Variants in TNIP3 observed in about 807,000 individuals in gnomAD.
TNIP3 encodes TNFAIP3 interacting protein 3.
TNIP3 carries 34 observed loss-of-function variants against 54.1 expected under a neutral mutation model. That is an observed-to-expected ratio of 0.63 (90% CI 0.48 to 0.84). The LOEUF (loss-of-function observed/expected upper bound fraction) is 0.84. Among genes scored for constraint, TNIP3 ranks in the 40% least tolerant of loss-of-function variants. TNIP3 has a pLI of 0.00. For synonymous variants in TNIP3, 134 were observed against 136.8 expected (o/e 0.98, Z 0.14); for missense variants, 366 against 387.6 (o/e 0.94, Z 0.47).
At chr4:121,154,777 A>T in intron 4 of TNIP3, 98 bp from the exon 5 acceptor site, 1 of 1,145,318 alleles carries the variant, frequency 8.7e-7, no homozygotes, top group Non-Finnish European at 1.2e-6. Context: ...AGGCAGATTG[A>T]GGGGTCACCC....
rs1724311353 is a variant in TNIP3 at position 121,176,105 on chromosome 4, T to TTATC, written c.189+6567_189+6570dup. 1.3e-5 allele frequency among the ~76,000 whole-genome samples: 2 copies of TTATC among 152,248 alleles called. 1 individual carries two copies. The highest frequency in any genetic ancestry group is 4.8e-5 in the African/African-American group (2 of 41,472). ...TTTTGGGAAATACAACCTGGCCTAT[T>TTATC]TATCCACTAATCTGTTTAATTTAGA... is the stretch of plus-strand genomic sequence containing the variant. On this transcript the variant is annotated intron_variant, in intron 3 of 12. Coordinates refer to the TNIP3 transcript ENST00000507879.
chr4:121,140,417 T>A (rs984336556), intron 9 of TNIP3, among the ~76,000 whole-genome samples: 7 of 152,190 alleles, frequency 4.6e-5, no homozygotes, highest in African/African-American at 1.4e-4. Flanking sequence ...TAGGCCTTTA[T>A]TTGGTGACAA....
At chr4:121,155,290 T>C (rs75502622) in intron 4 of TNIP3, among the ~76,000 whole-genome samples, 3,330 of 152,246 alleles carry the variant, frequency 0.022, 79 homozygotes, top group Admixed American at 0.036. Flanking sequence ...AAGCAAGTCC[T>C]TATATACTGT....
intron 3 of TNIP3, 57 bp from the exon 4 acceptor site, chr4:121,157,300 T>C: frequency 6.2e-7 from 1 of 1,610,488 alleles, no homozygotes; most frequent in Non-Finnish European, 8.5e-7. Context: ...CACAAGCCCC[T>C]GGATTTATTC....
At chr4:121,208,871 C>G (rs1726324371) in intron 2 of TNIP3, among the ~76,000 whole-genome samples, 1 of 152,142 alleles carries the variant, frequency 6.6e-6, no homozygotes, top group African/African-American at 2.4e-5. Flanking sequence ...GGGTGGAATC[C>G]ATGGAGAGCT....
chr4:121,165,016 G>C, upstream of TNIP3, among the ~76,000 whole-genome samples: 1 of 151,868 alleles, frequency 6.6e-6, no homozygotes, highest in Non-Finnish European at 1.5e-5. Flanking sequence ...CTGCATAAGT[G>C]AACTGCGATG....
At chr4:121,180,319 G>A (rs1560674192) in intron 3 of TNIP3, among the ~76,000 whole-genome samples, 1 of 152,124 alleles carries the variant, frequency 6.6e-6, no homozygotes, top group Non-Finnish European at 1.5e-5. Context: ...AGAATGGCAT[G>A]AACTCAGGAG....
At chr4:121,203,240 G>GATAT (rs765850548) in intron 2 of TNIP3, among the ~76,000 whole-genome samples, 4 of 151,852 alleles carry the variant, frequency 2.6e-5, no homozygotes, top group Admixed American at 6.6e-5. Flanking sequence ...TAGATAGATA[G>GATAT]ATAGATAGAT....
intron 7 of TNIP3, 108 bp downstream of exon 7, chr4:121,146,941 T>A: frequency 4.3e-5 from 54 of 1,263,598 alleles, no homozygotes; most frequent in Non-Finnish European, 5.2e-5. Context: ...TGCTGACCTT[T>A]AAAAAAAAAT....
chr4:121,158,561 C>A, intron 3 of TNIP3, 126 bp downstream of exon 3: 1 of 760,790 alleles, frequency 1.3e-6, no homozygotes, highest in East Asian at 2.6e-5. Flanking sequence ...GCACCCTTCC[C>A]GTCATTTTCC....
chr4:121,159,341 T>C (rs1029889361), intron 2 of TNIP3, among the ~76,000 whole-genome samples: 6 of 152,268 alleles, frequency 3.9e-5, no homozygotes, highest in Admixed American at 3.3e-4. Flanking sequence ...CAGTAACTTT[T>C]AACTTTTTTT....
chr4:121,177,707 C>G (rs1470314377), intron 3 of TNIP3, among the ~76,000 whole-genome samples: 1 of 152,116 alleles, frequency 6.6e-6, no homozygotes, highest in African/African-American at 2.4e-5. Context: ...TTGTGTTAAC[C>G]AAATAGAAAT....
At chr4:121,146,725 A>G (rs1218505667) in intron 7 of TNIP3, among the ~76,000 whole-genome samples, 1 of 152,150 alleles carries the variant, frequency 6.6e-6, no homozygotes, top group South Asian at 2.1e-4. Context: ...TTTAAAAACC[A>G]CTTCACTTTA....
intron 5 of TNIP3, among the ~76,000 whole-genome samples, chr4:121,151,354 A>G (rs146207211): frequency 6.6e-6 from 1 of 152,336 alleles, no homozygotes; most frequent in African/African-American, 2.4e-5. Context: ...GTAGGAAAAG[A>G]AAAGCAAATG....
chr4:121,141,117 T>C (rs1372586902), intron 9 of TNIP3, among the ~76,000 whole-genome samples: 3 of 152,272 alleles, frequency 2.0e-5, no homozygotes, highest in East Asian at 3.9e-4. Flanking sequence ...AAATCCAAAA[T>C]GCAGAAAATG....
At chr4:121,132,780 A>G in intron 10 of TNIP3, 118 bp from the exon 11 acceptor site, 1 of 800,766 alleles carries the variant, frequency 1.2e-6, no homozygotes, top group Non-Finnish European at 2.0e-6. Flanking sequence ...GTTATGTTAT[A>G]TTCATAAGCT....
chr4:121,163,933 A>G, intron 1 of TNIP3, 127 bp downstream of exon 1: 1 of 1,083,216 alleles, frequency 9.2e-7, no homozygotes, highest in Admixed American at 3.1e-5. Flanking sequence ...TTAAAAATAT[A>G]GAGCAAATCT....
intron 2 of TNIP3, among the ~76,000 whole-genome samples, chr4:121,195,459 T>C (rs555460510): frequency 6.6e-6 from 1 of 152,348 alleles, no homozygotes; most frequent in South Asian, 2.1e-4. Context: ...GTTTATTTAT[T>C]TCTGATTATA....
intron 2 of TNIP3, among the ~76,000 whole-genome samples, chr4:121,194,157 T>C (rs1725445547): frequency 6.6e-6 from 1 of 152,194 alleles, no homozygotes; most frequent in South Asian, 2.1e-4. Flanking sequence ...GGTATATCCT[T>C]GTTTAAGGAT....
Sources: gnomAD v4.1 joint callset for allele counts (sites outside exome capture counted in the v4.1 genomes callset) on GRCh38, gnomAD v4.1.1 for gene constraint, MANE v1.5 for transcripts, NCBI Gene and HGNC (gene_info 2026-07-23, HGNC 2026-07-21) for gene names.